The following CDH18 variants were observed in gnomAD, a reference collection of about 807,000 sequenced individuals.
CDH18 encodes cadherin 18.
CDH18 carries 31 observed loss-of-function variants against 67.9 expected under a neutral mutation model. The observed-to-expected ratio is 0.46, with a 90% CI of 0.34 to 0.62. CDH18 has a LOEUF of 0.62. Among genes scored for constraint, CDH18 ranks in the 20% least tolerant of loss-of-function variants. The pLI, the probability that CDH18 is intolerant of heterozygous loss-of-function variation, is 0.01. For synonymous variants in CDH18, 362 were observed against 347.2 expected, an observed-to-expected ratio of 1.04 and a Z score of -0.48; for missense variants, 890 against 975.5, an observed-to-expected ratio of 0.91 and a Z score of 1.17.
intron 1 of CDH18, among the ~76,000 whole-genome samples, chr5:20,359,758 A>G (rs956188579): frequency 6.6e-6 from 1 of 152,176 alleles, no homozygotes; most frequent in Non-Finnish European, 1.5e-5. Context: ...ATGTGTTATC[A>G]TAATGCTTAG....
chr5:20,430,563 C>T (rs1196115789), intron 1 of CDH18, among the ~76,000 whole-genome samples: 4 of 152,176 alleles, frequency 2.6e-5, no homozygotes, highest in Non-Finnish European at 4.4e-5. Flanking sequence ...AAATGTCTCC[C>T]TATAACCCAG....
intron 1 of CDH18, among the ~76,000 whole-genome samples, chr5:20,398,192 T>A (rs1339112531): frequency 6.6e-6 from 1 of 152,130 alleles, no homozygotes; most frequent in Non-Finnish European, 1.5e-5. Context: ...ATTAAGTGTG[T>A]GGTATTTTAA....
intron 6 of CDH18, among the ~76,000 whole-genome samples, chr5:19,604,653 G>A (rs1461186436): frequency 3.3e-5 from 5 of 151,556 alleles, no homozygotes; most frequent in African/African-American, 4.8e-5. Context: ...TTGGCTCTAC[G>A]TGCAATGTTT....
intron 3 of CDH18, among the ~76,000 whole-genome samples, chr5:19,763,994 C>CAA (rs60958986): frequency 0.15 from 9,595 of 65,284 alleles, 1,020 homozygotes; most frequent in East Asian, 0.25. Context: ...ACTAAAAATA[C>CAA]AAAAAAAAAA....
At chr5:19,665,712 C>A (rs866983) in intron 5 of CDH18, among the ~76,000 whole-genome samples, 91,064 of 151,826 alleles carry the variant, frequency 0.6, 28,843 homozygotes, top group South Asian at 0.74. Flanking sequence ...AATCATTTCT[C>A]ATGGAAATGG....
chr5:19,767,863 A>T (rs570691537), intron 3 of CDH18, among the ~76,000 whole-genome samples: 2 of 152,186 alleles, frequency 1.3e-5, no homozygotes, highest in Non-Finnish European at 2.9e-5. Flanking sequence ...CCAGGGATGT[A>T]TAGAAGAAAA....
chr5:19,860,441 T>C (rs1369681763), intron 2 of CDH18, among the ~76,000 whole-genome samples: 1 of 151,716 alleles, frequency 6.6e-6, no homozygotes, highest in African/African-American at 2.4e-5. Context: ...TTCTTTTTTT[T>C]TTTTCCTATT....
At chr5:20,287,536 C>A (rs1465479435) in intron 1 of CDH18, among the ~76,000 whole-genome samples, 3 of 151,620 alleles carry the variant, frequency 2.0e-5, no homozygotes, top group Non-Finnish European at 4.4e-5. Flanking sequence ...ACACATTTAT[C>A]AAATAGTAAA....
intron 2 of CDH18, among the ~76,000 whole-genome samples, chr5:20,079,763 G>A (rs1744285043): frequency 6.6e-6 from 1 of 152,114 alleles, no homozygotes; most frequent in South Asian, 2.1e-4. Context: ...CCAAAAGATT[G>A]GGTGGCTTAA....
chr5:20,333,840 T>A (rs946345333), intron 1 of CDH18, among the ~76,000 whole-genome samples: 6 of 152,022 alleles, frequency 3.9e-5, no homozygotes, highest in African/African-American at 1.4e-4. Context: ...AAGGTAAAAC[T>A]TATAGATGTA....
In CDH18 at chr5:19,651,178, T is replaced by A. The variant is rs189672451; in HGVS notation, c.644-38577A>T. On this transcript the variant is annotated intron_variant, in intron 5 of 12. Transcript: ENST00000382275. ...GTTATTATGGACTCATAGGTTCAAG[T>A]TTTTTAGGAAATCACTCTTTATGTA... is the stretch of plus-strand genomic sequence containing the variant. Among the ~76,000 whole-genome samples the A allele has an allele frequency of 1.1e-3, 164 of 152,144 alleles. 1 individual carries two copies. Among genetic ancestry groups the A allele is most frequent in the African/African-American group, 3.8e-3 (156 of 41,568 alleles).
chr5:19,682,202 C>T (rs575882412), intron 5 of CDH18, among the ~76,000 whole-genome samples: 1 of 152,122 alleles, frequency 6.6e-6, no homozygotes, highest in South Asian at 2.1e-4. Context: ...ATTCTGCCAA[C>T]AGGCACACTA....
chr5:19,931,058 C>T lies in CDH18; in HGVS notation c.-257+50002G>A, dbSNP rs116576163. The stretch of plus-strand genomic sequence containing the variant: ...TCAAATATTGAAATACTTAAGTAGA[C>T]AAATAGTATTAGTCAAACAATGCCA... On this transcript the variant is annotated intron_variant, in intron 2 of 12. Coordinates refer to ENST00000382275, the MANE Select transcript of CDH18 (RefSeq NM_004934.5). 5.2e-3 allele frequency among the ~76,000 whole-genome samples: 795 copies of T among 151,926 alleles called. 3 individuals carry two copies. Among genetic ancestry groups the T allele is most frequent in the Non-Finnish European group, 7.9e-3 (537 of 67,908 alleles).
intron 2 of CDH18, among the ~76,000 whole-genome samples, chr5:20,131,773 ATATTTTGTC>A (rs1453562929): frequency 6.6e-5 from 10 of 152,256 alleles, no homozygotes; most frequent in African/African-American, 2.4e-4. Flanking sequence ...CTTTAAGGAC[ATATTTTGTC>A]AAAAATCTAT....
At chr5:19,775,543 G>T (rs146112714) in intron 3 of CDH18, among the ~76,000 whole-genome samples, 2 of 144,258 alleles carry the variant, frequency 1.4e-5, no homozygotes, top group Admixed American at 6.8e-5. Flanking sequence ...GAAAGACAGT[G>T]GGGGGGAGAT....
In CDH18 at chr5:19,568,040, T is replaced by G. The variant is rs547419891; in HGVS notation, c.1253+3539A>C. Among the ~76,000 whole-genome samples the G allele has an allele frequency of 2.0e-5, 3 of 152,284 alleles. No homozygotes were observed. In the South Asian group the frequency reaches 6.2e-4, roughly 32 times the overall value. ...TCAAAATTTCTTCCCATGAATACAATTAGTACTCCAGTTCTACCAATTTGC... is the reference window on the plus strand; with the variant it reads ...TCAAAATTTCTTCCCATGAATACAAGTAGTACTCCAGTTCTACCAATTTGC... On this transcript the variant is annotated intron_variant, in intron 8 of 12. Coordinates refer to ENST00000382275, the MANE Select transcript of CDH18 (RefSeq NM_004934.5).
chr5:19,764,042 C>T (rs1772734663), intron 3 of CDH18, among the ~76,000 whole-genome samples: 1 of 143,914 alleles, frequency 6.9e-6, no homozygotes, highest in South Asian at 2.3e-4. Flanking sequence ...GTGGCAGATG[C>T]CTGTAATCCC....
At chr5:19,610,597 G>C (rs920737940) in intron 6 of CDH18, among the ~76,000 whole-genome samples, 28 of 152,064 alleles carry the variant, frequency 1.8e-4, no homozygotes, top group Admixed American at 3.9e-4. Flanking sequence ...GCTACAATAT[G>C]AATGTACATC....
Position 19,968,424 on chromosome 5 carries a change from G to A in CDH18, c.-257+12636C>T, listed in dbSNP as rs1302426061. On this transcript the variant is annotated intron_variant, in intron 2 of 12. Transcript: ENST00000382275. ...AAAAGAAAAAAGCTGGAGGCATCAC[G>A]CTACCTGACTTCAAACTATACTACA... Among the ~76,000 whole-genome samples the A allele has an allele frequency of 1.1e-4, 16 of 152,050 alleles. No individual in the cohort carries two copies. The South Asian group carries it at 1.5e-3, about 14-fold the overall frequency.
Sources: gnomAD v4.1 joint callset for allele counts (sites outside exome capture counted in the v4.1 genomes callset) on GRCh38, gnomAD v4.1.1 for gene constraint, MANE v1.5 for transcripts, NCBI Gene and HGNC (gene_info 2026-07-23, HGNC 2026-07-21) for gene names.